FCHO2: variants seen among roughly 807,000 people sequenced by gnomAD.
FCHO2 encodes the protein FCH and mu domain containing endocytic adaptor 2, also known as F-BAR domain only protein 2.
In FCHO2, 43 loss-of-function variants were observed where a neutral mutation model predicts 114.1. That is an observed-to-expected ratio of 0.38 (90% CI 0.30 to 0.49). The LOEUF is 0.49. Ranked by LOEUF, FCHO2 falls within the 20% of genes least tolerant of loss-of-function variation. FCHO2 has a pLI of 0.97. For missense variants in FCHO2, 807 were observed against 950.4 expected (o/e 0.85, Z 1.98); for synonymous variants, 293 against 315.2 (o/e 0.93, Z 0.75).
intron 24 of FCHO2, among the ~76,000 whole-genome samples, chr5:73,083,116 C>G (rs900504166): frequency 1.3e-5 from 2 of 152,004 alleles, no homozygotes; most frequent in Non-Finnish European, 2.9e-5. Context: ...GATCTCCTGA[C>G]CTCGTGATCT....
At position 73,051,422 on chromosome 5, in the gene FCHO2, C is replaced by G; in HGVS notation, c.997+16C>G. 1 of 1,484,234 alleles carries G rather than the reference C, an allele frequency of 6.7e-7. No homozygotes were observed. Among genetic ancestry groups the G allele is most frequent in the African/African-American group, 1.4e-5 (1 of 71,138 alleles). The allele number at this position is 1,484,234 out of a possible 1,614,324, so 91.9% of individuals were successfully genotyped here. A position where few individuals can be genotyped will look rare whatever the true frequency, so the allele number is the denominator to read the frequency against. On this transcript the variant is annotated intron_variant, in intron 12 of 25. Transcript: ENST00000430046. The stretch of plus-strand genomic sequence containing the variant: ...AATCAGAATGATATCCTTTCATCAT[C>G]TAGTATTCTTAAGGATTATGTTGGC...
chr5:72,979,395 T>C (rs1329525140), intron 2 of FCHO2, among the ~76,000 whole-genome samples: 20 of 122,314 alleles, frequency 1.6e-4, no homozygotes, highest in Non-Finnish European at 2.7e-4. Flanking sequence ...TTTTTTTTTT[T>C]TTTTTTTTTT....
intron 8 of FCHO2, chr5:73,021,184 G>A (rs1022290688): frequency 2.6e-6 from 2 of 768,908 alleles, no homozygotes; most frequent in South Asian, 1.3e-5. Context: ...CTGGTGAACC[G>A]GCTGTAGAGC....
rs1263355203 is a variant in FCHO2 at position 72,989,462 on chromosome 5, C to T, written c.161C>T (p.Thr54Ile). 6.2e-7 allele frequency: 1 copy of T among 1,606,638 alleles called. No homozygotes were observed. The change falls in exon 3 of 26, where the codon ACA becomes ATA. Residue 54 changes from threonine to isoleucine, a missense_variant. Transcript: ENST00000430046. The stretch of plus-strand genomic sequence containing the variant: ...GAGGAGGCATACTCCAGGTCAATGA[C>T]AAAACTAGCAAAATCTGCAAGCAAT... ...TIEEAYSRSM[T>I]KLAKSASNYS... is the part of the protein sequence containing the mutation.
intron 2 of FCHO2, among the ~76,000 whole-genome samples, chr5:72,973,314 T>C (rs1752673955): frequency 6.6e-6 from 1 of 152,224 alleles, no homozygotes; most frequent in Non-Finnish European, 1.5e-5. Context: ...AGAATTTGGC[T>C]GTGAATCCAT....
chr5:73,088,140 G>T lies in FCHO2; in HGVS notation c.*50G>T, dbSNP rs1046711052. 8 of 1,607,008 alleles carry T rather than the reference G, an allele frequency of 5.0e-6. No homozygotes were observed. In the Admixed American group the frequency reaches 1.4e-4, roughly 27 times the overall value. ...TCAGGGATTACAAACCTGCCATTCT[G>T]CATTATCTGTTCTTTCCAAACACTA... On this transcript the variant is annotated 3_prime_UTR_variant, in exon 26 of 26. Transcript: ENST00000430046.
rs114716729 is a variant in FCHO2 at position 73,002,255 on chromosome 5, G to T, written c.496-4190G>T. On this transcript the variant is annotated intron_variant, in intron 5 of 25. Coordinates refer to ENST00000430046, the MANE Select transcript of FCHO2 (RefSeq NM_138782.3). ...TCTTGACTCAGTAGAGATTTGAGTA[G>T]CAAAATTAGTTAGAATTCTAGAGAC... Among the ~76,000 whole-genome samples, 1,161 of 152,300 alleles carry T rather than the reference G, an allele frequency of 7.6e-3. 13 individuals carry two copies. The highest frequency in any genetic ancestry group is 0.027 in the African/African-American group (1,112 of 41,570).
chr5:72,971,552 G>GT (rs1052086235), intron 2 of FCHO2, among the ~76,000 whole-genome samples: 41 of 152,054 alleles, frequency 2.7e-4, no homozygotes, highest in Non-Finnish European at 5.6e-4. Context: ...GGGGTTGTTT[G>GT]TTTTTTTCTT....
intron 12 of FCHO2, among the ~76,000 whole-genome samples, chr5:73,052,114 A>G (rs989558568): frequency 1.3e-4 from 20 of 151,700 alleles, no homozygotes; most frequent in Admixed American, 1.2e-3. Context: ...TAGTAGAGAC[A>G]AAGTTTCACC....
At chr5:72,987,778 A>C (rs562393732) in intron 2 of FCHO2, among the ~76,000 whole-genome samples, 2 of 152,222 alleles carry the variant, frequency 1.3e-5, no homozygotes, top group Non-Finnish European at 2.9e-5. Flanking sequence ...TGACAGAAGA[A>C]CTTAAAGGAG....
chr5:72,983,800 C>T (rs1241633752), intron 2 of FCHO2, among the ~76,000 whole-genome samples: 6 of 151,610 alleles, frequency 4.0e-5, no homozygotes, highest in East Asian at 1.9e-4. Context: ...TTGCTGTTTT[C>T]GGTTTTTTTT....
chr5:73,017,305 C>A lies in FCHO2; in HGVS notation c.793C>A (p.Pro265Thr). The change falls in exon 8 of 26, where the codon CCT becomes ACT. Residue 265 changes from proline (P) to threonine (T), a missense_variant. Physicochemically the swap from Pro to Thr is conservative, Grantham distance 38. Coordinates refer to ENST00000430046, the MANE Select transcript of FCHO2 (RefSeq NM_138782.3). ...AESKGTGKER[P>T]GLIEFEECDT... is the part of the protein sequence containing the mutation. ...GTCAAAAGGCACTGGGAAGGAAAGA[C>A]CTGGTAAGATGATAAACTCTGCAAG... 1 of 1,544,820 alleles carries A rather than the reference C, an allele frequency of 6.5e-7. No homozygotes were observed. The highest frequency in any genetic ancestry group is 8.8e-7 in the Non-Finnish European group (1 of 1,141,674).
At chr5:73,035,994 C>CCA in intron 9 of FCHO2, among the ~76,000 whole-genome samples, 1 of 151,790 alleles carries the variant, frequency 6.6e-6, no homozygotes, top group Non-Finnish European at 1.5e-5. Flanking sequence ...AGGTGTGCGC[C>CCA]ACTACGCCCG....
intron 1 of FCHO2, among the ~76,000 whole-genome samples, chr5:72,962,899 A>AG (rs1487807370): frequency 6.6e-6 from 1 of 152,042 alleles, no homozygotes; most frequent in Non-Finnish European, 1.5e-5. Context: ...CTCAAAAAAA[A>AG]AAAAGTATTA....
intron 1 of FCHO2, among the ~76,000 whole-genome samples, chr5:72,963,902 GTTTTTTTTT>G (rs70973214): frequency 1.5e-3 from 143 of 95,730 alleles, no homozygotes; most frequent in African/African-American, 3.3e-3. Flanking sequence ...GGAACTTTCA[GTTTTTTTTT>G]TTTTTTTTTT....
intron 5 of FCHO2, among the ~76,000 whole-genome samples, chr5:72,999,774 C>G (rs1479377858): frequency 1.3e-5 from 2 of 152,066 alleles, no homozygotes; most frequent in African/African-American, 4.8e-5. Flanking sequence ...ATGCTGGCTT[C>G]ATGGATTGTA....
intron 2 of FCHO2, among the ~76,000 whole-genome samples, chr5:72,977,385 A>G (rs1462188438): frequency 6.6e-6 from 1 of 152,166 alleles, no homozygotes; most frequent in Non-Finnish European, 1.5e-5. Context: ...AGTGATGATG[A>G]GCATTTTCTC....
chr5:72,998,674 GA>G (rs1158699733), intron 5 of FCHO2, among the ~76,000 whole-genome samples: 1 of 150,090 alleles, frequency 6.7e-6, no homozygotes, highest in Non-Finnish European at 1.5e-5. Flanking sequence ...TCTTTTTTGT[GA>G]ACCCCAGTGG....
chr5:73,047,487 T>C (rs1333228553), intron 11 of FCHO2, among the ~76,000 whole-genome samples: 1 of 152,122 alleles, frequency 6.6e-6, no homozygotes, highest in Non-Finnish European at 1.5e-5. Flanking sequence ...ATATATGTTC[T>C]TTACTACTTG....
Sources: gnomAD v4.1 joint callset for allele counts (sites outside exome capture counted in the v4.1 genomes callset) on GRCh38, gnomAD v4.1.1 for gene constraint, MANE v1.5 for transcripts, NCBI Gene and HGNC (gene_info 2026-07-23, HGNC 2026-07-21) for gene names.